Variants in IL7 observed in about 807,000 individuals in gnomAD.
IL7 encodes the protein interleukin-7.
IL7 carries 3 observed loss-of-function variants against 21.6 expected under a neutral mutation model. That is an observed-to-expected ratio of 0.14 (90% CI 0.06 to 0.36). The LOEUF (loss-of-function observed/expected upper bound fraction) is 0.36, where lower values mean the gene tolerates loss of function less well. Among genes scored for constraint, IL7 ranks in the 10% least tolerant of loss-of-function variants. The pLI, the probability that IL7 is intolerant of heterozygous loss-of-function variation, is 1.00. For missense variants in IL7, 175 were observed against 200.2 expected (o/e 0.87, Z 0.76); for synonymous variants, 62 against 68.1 (o/e 0.91, Z 0.44).
At chr8:78,716,039 CAA>C (rs753499894), downstream of IL7, among the ~76,000 whole-genome samples, 8 of 57,052 alleles carry the variant, frequency 1.4e-4, no homozygotes, top group Admixed American at 8.0e-4. Context: ...GACTCCATCT[CAA>C]AAAAAAAAAA....
downstream of IL7, chr8:78,717,585 T>TA (rs1811147831): frequency 4.2e-5 from 57 of 1,363,782 alleles, no homozygotes; most frequent in Non-Finnish European, 5.3e-5. Flanking sequence ...TAGTTTGTGC[T>TA]AAAAATACTC....
intron 2 of IL7, among the ~76,000 whole-genome samples, chr8:78,778,390 T>G (rs538398005): frequency 6.6e-6 from 1 of 152,226 alleles, no homozygotes; most frequent in East Asian, 1.9e-4. Context: ...CTAGAGTTCT[T>G]GAAGAGGGGA....
intron 3 of IL7, among the ~76,000 whole-genome samples, chr8:78,726,502 G>A (rs574338183): frequency 1.3e-5 from 2 of 152,088 alleles, no homozygotes; most frequent in South Asian, 4.1e-4. Context: ...GAATAGGAGA[G>A]TGACCTGATC....
chr8:78,723,503 AGCACTTTG>A (rs1163422915), intron 3 of IL7, among the ~76,000 whole-genome samples: 2 of 152,036 alleles, frequency 1.3e-5, no homozygotes, highest in Non-Finnish European at 2.9e-5. Flanking sequence ...TGCCACTGGT[AGCACTTTG>A]GCACTATTAA....
rs114404179 is a variant in IL7 at position 78,691,459 on chromosome 8, A to G, written n.215-5512T>C. 3.5e-3 allele frequency among the ~76,000 whole-genome samples: 535 copies of G among 151,976 alleles called. 4 individuals carry two copies. The highest frequency in any genetic ancestry group is 0.01 in the African/African-American group (426 of 41,464). On this transcript the variant is annotated intron_variant and non_coding_transcript_variant, in intron 3 of 4. Transcript: ENST00000523959. ...AATTATGCTCACTTCTTTTCTCTCTATTCCTTATATATGTGTTTTTGCATT... is the reference window on the plus strand; with the variant it reads ...AATTATGCTCACTTCTTTTCTCTCTGTTCCTTATATATGTGTTTTTGCATT...
intron 3 of IL7, among the ~76,000 whole-genome samples, chr8:78,705,010 A>C (rs1810725395): frequency 6.6e-6 from 1 of 152,102 alleles, no homozygotes; most frequent in Non-Finnish European, 1.5e-5. Context: ...GTGTTTTATC[A>C]TGATTTTTAG....
At chr8:78,753,723 T>C (rs1812251831) in intron 2 of IL7, among the ~76,000 whole-genome samples, 2 of 152,218 alleles carry the variant, frequency 1.3e-5, no homozygotes, top group South Asian at 4.1e-4. Flanking sequence ...TGTTTAAGTC[T>C]TTAATCCATC....
chr8:78,764,295 T>C (rs1158962795), intron 2 of IL7, among the ~76,000 whole-genome samples: 1 of 152,078 alleles, frequency 6.6e-6, no homozygotes, highest in Non-Finnish European at 1.5e-5. Flanking sequence ...CTATCTCCCT[T>C]CACTTCAGCT....
At chr8:78,762,055 C>T in intron 2 of IL7, 1 of 1,603,572 alleles carries the variant, frequency 6.2e-7, no homozygotes, top group Non-Finnish European at 8.5e-7. Context: ...TTTGTTCCTG[C>T]TCAGAAGTTT....
At chr8:78,693,066 A>AT (rs1368703203) in intron 3 of IL7, among the ~76,000 whole-genome samples, 7 of 151,858 alleles carry the variant, frequency 4.6e-5, no homozygotes, top group East Asian at 1.9e-4. Context: ...TGAACTCATC[A>AT]TTTTTTATGG....
At chr8:78,732,095 C>T (rs142865990), downstream of IL7, among the ~76,000 whole-genome samples, 72 of 152,110 alleles carry the variant, frequency 4.7e-4, no homozygotes, top group African/African-American at 1.5e-3. Flanking sequence ...TAGAGGTGTA[C>T]CACATGGTTG....
At chr8:78,788,371 A>G (rs749362971) in intron 2 of IL7, among the ~76,000 whole-genome samples, 2 of 152,012 alleles carry the variant, frequency 1.3e-5, no homozygotes, top group African/African-American at 4.8e-5. Flanking sequence ...TTTTCTTTCT[A>G]TGCATTTAAT....
At chr8:78,716,267 C>T (rs553564201), downstream of IL7, among the ~76,000 whole-genome samples, 1,271 of 151,350 alleles carry the variant, frequency 8.4e-3, 18 homozygotes, top group Non-Finnish European at 0.01. Flanking sequence ...GGACTACAGG[C>T]GCCCGCCACC....
chr8:78,683,692 A>G (rs1250731453), intron 4 of IL7, among the ~76,000 whole-genome samples: 14 of 152,052 alleles, frequency 9.2e-5, no homozygotes, highest in Non-Finnish European at 1.9e-4. Context: ...ATTACTTGTT[A>G]CTCATGCAAA....
intron 3 of IL7, among the ~76,000 whole-genome samples, chr8:78,708,396 G>C (rs1810846422): frequency 6.6e-6 from 1 of 151,978 alleles, no homozygotes; most frequent in Non-Finnish European, 1.5e-5. Flanking sequence ...TTGTGGATTA[G>C]GCCAGGTGCA....
At chr8:78,715,842 C>T (rs1292194392), downstream of IL7, among the ~76,000 whole-genome samples, 8 of 151,824 alleles carry the variant, frequency 5.3e-5, no homozygotes, top group Non-Finnish European at 1.5e-5. Context: ...GAGTTTGAGA[C>T]TAGCCTGGCC....
chr8:78,784,709 C>T (rs1813453160), intron 2 of IL7, among the ~76,000 whole-genome samples: 1 of 151,774 alleles, frequency 6.6e-6, no homozygotes, highest in South Asian at 2.1e-4. Flanking sequence ...TAATTTGAGA[C>T]AGTAGCAAGA....
intron 1 of IL7, among the ~76,000 whole-genome samples, chr8:78,803,358 T>C (rs1430099623): frequency 6.6e-6 from 1 of 152,106 alleles, no homozygotes; most frequent in Non-Finnish European, 1.5e-5. Flanking sequence ...CCAAACCAGA[T>C]AAGACAGTTG....
At chr8:78,803,985 C>A (rs1814192174) in intron 1 of IL7, among the ~76,000 whole-genome samples, 1 of 152,108 alleles carries the variant, frequency 6.6e-6, no homozygotes, top group Non-Finnish European at 1.5e-5. Flanking sequence ...CCCCAGCTGT[C>A]TTCTTGCTTG....
Sources: gnomAD v4.1 joint callset for allele counts (sites outside exome capture counted in the v4.1 genomes callset) on GRCh38, gnomAD v4.1.1 for gene constraint, MANE v1.5 for transcripts, NCBI Gene and HGNC (gene_info 2026-07-23, HGNC 2026-07-21) for gene names.